GNB2: variants seen among roughly 807,000 people sequenced by gnomAD.
The protein encoded by GNB2 is guanine nucleotide-binding protein G(I)/G(S)/G(T) subunit beta-2.
A neutral mutation model predicts 40.7 loss-of-function variants in GNB2; 7 were observed. That is an observed-to-expected ratio of 0.17 (90% CI 0.10 to 0.32). The LOEUF (loss-of-function observed/expected upper bound fraction) is 0.32, where lower values mean the gene tolerates loss of function less well. Ranked by LOEUF, GNB2 falls within the 10% of genes least tolerant of loss-of-function variation. The probability of loss-of-function intolerance (pLI) is 1.00; values close to 1 mark genes in which losing one functional copy is unlikely to be tolerated. For missense variants in GNB2, 286 were observed against 473.0 expected (o/e 0.60, Z 3.67); for synonymous variants, 254 against 191.2 (o/e 1.33, Z -2.71).
At position 100,679,058 on chromosome 7, in the gene GNB2, G is replaced by A. The variant is rs563243432; in HGVS notation, c.*257G>A. 10 of 451,338 alleles carry A rather than the reference G, an allele frequency of 2.2e-5. No individual in the cohort carries two copies. Among genetic ancestry groups the A allele is most frequent in the Middle Eastern group, 5.8e-4 (1 of 1,734 alleles). The allele number at this position is 451,338 out of a possible 1,614,324, so 28.0% of individuals were successfully genotyped here. ...GGGTTGGGGCCTCACCCCTCTGGAG[G>A]GCCGGAGGCAGGAGGTGGAAACCCC... On this transcript the variant is annotated 3_prime_UTR_variant, in exon 10 of 10. Coordinates refer to ENST00000303210, the MANE Select transcript of GNB2 (RefSeq NM_005273.4).
chr7:100,678,328 C>T, intron 8 of GNB2, 29 bp downstream of exon 8: 2 of 1,605,634 alleles, frequency 1.2e-6, no homozygotes, highest in South Asian at 1.1e-5. Flanking sequence ...TAGGCCAGGC[C>T]CTCCCCACCA....
At position 100,679,001 on chromosome 7, in the gene GNB2, G is replaced by A. The variant is rs565033701; in HGVS notation, c.*200G>A. ...AGGGGATGGAATGGGGGAAGAGGAG[G>A]AGCAGGAGGCCCTCATCCTTCTGCT... On this transcript the variant is annotated 3_prime_UTR_variant, in exon 10 of 10. Coordinates refer to ENST00000303210, the MANE Select transcript of GNB2 (RefSeq NM_005273.4). 28 of 572,704 alleles carry A rather than the reference G, an allele frequency of 4.9e-5. No homozygotes were observed. Among genetic ancestry groups the A allele is most frequent in the Admixed American group, 2.2e-4 (7 of 32,456 alleles). 35.5% of individuals were successfully genotyped at this position (572,704 alleles called of 1,614,324 possible).
rs754068566 is a variant in GNB2 at position 100,678,100 on chromosome 7, C to T, written c.500C>T (p.Ala167Val). ...CTTTCTTCCTGTCACCTCTCCAGTG[C>T]CCTGTGGGACATTGAGACAGGCCAG... Reference protein sequence around the residue: ...IITSSGDTTCALWDIETGQQT... With the variant: ...IITSSGDTTCVLWDIETGQQT... The change falls in exon 8 of 10, where the codon GCC becomes GTC. Residue 167 changes from alanine to valine, a missense_variant and splice_region_variant. By Grantham distance (64) the Ala-to-Val change is moderately conservative. Transcript: ENST00000303210. 3.7e-6 allele frequency: 6 copies of T among 1,608,980 alleles called. No individual in the cohort carries two copies. The highest frequency in any genetic ancestry group is 1.7e-5 in the Admixed American group (1 of 59,992).
intron 4 of GNB2, 59 bp from the exon 5 acceptor site, chr7:100,677,293 A>T (rs555856452): frequency 8.9e-6 from 12 of 1,346,646 alleles, no homozygotes; most frequent in Non-Finnish European, 1.1e-5. Context: ...CCCAAAGGGA[A>T]GGGGGTGTGT....
In GNB2 at chr7:100,673,853, T is replaced by G. The variant is rs368997072; in HGVS notation, c.-160T>G. 8 of 174,864 alleles carry G rather than the reference T, an allele frequency of 4.6e-5. No homozygotes were observed. The highest frequency in any genetic ancestry group is 1.5e-4 in the East Asian group (1 of 6,566). 10.8% of individuals were successfully genotyped at this position (174,864 alleles called of 1,614,324 possible). A position where few individuals can be genotyped will look rare whatever the true frequency, so the allele number is the denominator to read the frequency against. On this transcript the variant is annotated 5_prime_UTR_variant, in exon 1 of 10. Transcript: ENST00000303210. ...CGCCGCCGCCGCCGCCGCCGCCGCC[T>G]CCGCCGCGGAGGAAGACAGCGCCGC...
chr7:100,675,201 A>G (rs1804323015), intron 1 of GNB2: 2 of 150,382 alleles, frequency 1.3e-5, no homozygotes, highest in East Asian at 4.0e-4. Context: ...CGCCGCGGCC[A>G]GGCCGCCTGG....
rs966528148 is a variant in GNB2 at position 100,679,117 on chromosome 7, A to T, written c.*316A>T. 6.3e-6 allele frequency: 2 copies of T among 316,968 alleles called. No individual in the cohort carries two copies. The highest frequency in any genetic ancestry group is 8.8e-5 in the Admixed American group (2 of 22,706). 19.6% of individuals were successfully genotyped at this position (316,968 alleles called of 1,614,324 possible). On this transcript the variant is annotated 3_prime_UTR_variant, in exon 10 of 10. Coordinates refer to ENST00000303210, the MANE Select transcript of GNB2 (RefSeq NM_005273.4). ...GCTTTTTTAAAACTGGTTTTATTTT[A>T]ATTTTTATTATATTTTCAGTTTTTC...
In GNB2 at chr7:100,679,148, A is replaced by G. The variant is rs1325661584; in HGVS notation, c.*347A>G. Reference sequence around the variant, plus strand: ...TATTATATTTTCAGTTTTTCCATAAAGGAGCCAATTCCAACTCTGTACCTG... The same window carrying G: ...TATTATATTTTCAGTTTTTCCATAAGGGAGCCAATTCCAACTCTGTACCTG... On this transcript the variant is annotated 3_prime_UTR_variant, in exon 10 of 10. Transcript: ENST00000303210. The G allele has an allele frequency of 9.4e-6, 2 of 211,674 alleles. No homozygotes were observed. The allele number at this position is 211,674 out of a possible 1,614,324, so 13.1% of individuals were successfully genotyped here. A position where few individuals can be genotyped will look rare whatever the true frequency, so the allele number is the denominator to read the frequency against.
Position 100,678,464 on chromosome 7 carries a change from C to T in GNB2, c.766C>T (p.Arg256Trp). 1.2e-6 allele frequency: 2 copies of T among 1,613,794 alleles called. No homozygotes were observed. The highest frequency in any genetic ancestry group is 1.7e-6 in the Non-Finnish European group (2 of 1,179,964). ...DDATCRLFDL[R>W]ADQELLMYSH... ...CGCCACGTGCCGCCTCTTCGACCTG[C>T]GGGCCGATCAGGAGCTCCTCATGTA... The change falls in exon 9 of 10, where the codon CGG becomes TGG. Residue 256 changes from arginine (R) to tryptophan (W), a missense_variant. Physicochemically the swap from Arg to Trp is moderately radical, Grantham distance 101 (BLOSUM62 -3). Transcript: ENST00000303210.
rs1044024110 is a variant in GNB2, at chr7:100,679,152, G to A, written c.*351G>A. 9.7e-6 allele frequency: 2 copies of A among 207,130 alleles called. No homozygotes were observed. Among genetic ancestry groups the A allele is most frequent in the Non-Finnish European group, 2.0e-5 (2 of 101,556 alleles). The allele number at this position is 207,130 out of a possible 1,614,324, so 12.8% of individuals were successfully genotyped here. A position where few individuals can be genotyped will look rare whatever the true frequency, so the allele number is the denominator to read the frequency against. On this transcript the variant is annotated 3_prime_UTR_variant, in exon 10 of 10. Transcript: ENST00000303210. ...ATATTTTCAGTTTTTCCATAAAGGAGCCAATTCCAACTCTGTACCTGGTCT... is the reference window on the plus strand; with the variant it reads ...ATATTTTCAGTTTTTCCATAAAGGAACCAATTCCAACTCTGTACCTGGTCT...
chr7:100,674,107 C>T (rs575532524), intron 1 of GNB2, among the ~76,000 whole-genome samples, 184 bp downstream of exon 1: 2 of 152,260 alleles, frequency 1.3e-5, no homozygotes, highest in Admixed American at 6.5e-5. Flanking sequence ...GAACCCTCGC[C>T]CCCCACCGTG....
chr7:100,678,548 C>T lies in GNB2; in HGVS notation c.850C>T (p.Leu284=), dbSNP rs1804415170. Residue 284 remains leucine (L), a synonymous_variant, in exon 9 of 10, where the codon CTG becomes TTG. Coordinates refer to ENST00000303210, the MANE Select transcript of GNB2 (RefSeq NM_005273.4). ...TGTTGCCTTCTCGCGCAGCGGACGGCTGCTGCTCGCTGGCTACGACGACTT... is the reference window on the plus strand; with the variant it reads ...TGTTGCCTTCTCGCGCAGCGGACGGTTGCTGCTCGCTGGCTACGACGACTT... ...TSVAFSRSGR[L]LLAGYDDFNC... is the part of the protein sequence containing the mutation. The T allele has an allele frequency of 1.2e-6, 2 of 1,613,796 alleles. No individual in the cohort carries two copies. Among genetic ancestry groups the T allele is most frequent in the African/African-American group, 2.7e-5 (2 of 74,950 alleles).
In GNB2 at chr7:100,678,682, CTCTT is replaced by C. The variant is rs531538316; in HGVS notation, c.917-12_917-9del. 383 of 1,612,108 alleles carry C rather than the reference CTCTT, an allele frequency of 2.4e-4. 3 individuals are homozygous for C. The African/African-American group carries it at 4.6e-3, about 19-fold the overall frequency. Reference sequence around the variant, plus strand: ...CCAGGCCCAATGGGTTCTGACTTCTCTCTTCTTCACAGGAGTCCTCGCTGGCCAC... The same window carrying C: ...CCAGGCCCAATGGGTTCTGACTTCTCCTTCACAGGAGTCCTCGCTGGCCAC... On this transcript the variant is annotated splice_polypyrimidine_tract_variant and intron_variant, in intron 9 of 9. Coordinates refer to ENST00000303210, the MANE Select transcript of GNB2 (RefSeq NM_005273.4).
intron 1 of GNB2, among the ~76,000 whole-genome samples, chr7:100,674,163 A>C (rs1251870191): frequency 6.6e-6 from 1 of 151,006 alleles, no homozygotes; most frequent in Non-Finnish European, 1.5e-5. Flanking sequence ...CCGACCCCAG[A>C]CCCCAGCCCA....
At position 100,677,650 on chromosome 7, in the gene GNB2, T is replaced by C; in HGVS notation, c.420T>C (p.Pro140=). 1.9e-6 allele frequency: 3 copies of C among 1,613,438 alleles called. No individual in the cohort carries two copies. The highest frequency in any genetic ancestry group is 2.5e-6 in the Non-Finnish European group (3 of 1,179,958). The change falls in exon 6 of 10, where the codon CCT becomes CCC. Residue 140 remains proline (P), a synonymous_variant. Coordinates refer to ENST00000303210, the MANE Select transcript of GNB2 (RefSeq NM_005273.4). Reference sequence around the variant, plus strand: ...ACGTCAGGGTCAGCCGGGAGCTGCCTGGCCACACTGGTGAGGGGCCTGGCC... The same window carrying C: ...ACGTCAGGGTCAGCCGGGAGCTGCCCGGCCACACTGGTGAGGGGCCTGGCC... ...EGNVRVSREL[P]GHTGYLSCCR...
chr7:100,678,630 C>G lies in GNB2; in HGVS notation c.916+16C>G, dbSNP rs370617239. Reference sequence around the variant, plus strand: ...GACCGTGCAGGTGACAGCTGGGGCCCAGGCTGGGTGGGCAGGGACCTGGAG... The same window carrying G: ...GACCGTGCAGGTGACAGCTGGGGCCGAGGCTGGGTGGGCAGGGACCTGGAG... On this transcript the variant is annotated intron_variant, in intron 9 of 9. Transcript: ENST00000303210. 3.5e-4 allele frequency: 568 copies of G among 1,610,644 alleles called. No homozygotes were observed. The highest frequency in any genetic ancestry group is 4.5e-4 in the Non-Finnish European group (526 of 1,177,288).
chr7:100,678,900 C>A lies in GNB2; in HGVS notation c.*99C>A. On this transcript the variant is annotated 3_prime_UTR_variant, in exon 10 of 10. Transcript: ENST00000303210. Reference sequence around the variant, plus strand: ...CTGGCGCAATCCCAGCCCCCTTCCCCGGGCCACGGGGCCTTGGGTCCCTGC... The same window carrying A: ...CTGGCGCAATCCCAGCCCCCTTCCCAGGGCCACGGGGCCTTGGGTCCCTGC... 1.1e-6 allele frequency: 1 copy of A among 927,050 alleles called. No homozygotes were observed. The highest frequency in any genetic ancestry group is 1.7e-6 in the Non-Finnish European group (1 of 604,284). The allele number at this position is 927,050 out of a possible 1,614,324, so 57.4% of individuals were successfully genotyped here.
chr7:100,678,374 C>T, intron 8 of GNB2, 24 bp from the exon 9 acceptor site: 2 of 1,605,790 alleles, frequency 1.2e-6, no homozygotes, highest in Non-Finnish European at 1.7e-6. Context: ...CACCCTCACC[C>T]CATCTGGGTC....
chr7:100,677,302 G>A (rs769638645), intron 4 of GNB2, 50 bp from the exon 5 acceptor site: 71 of 1,461,894 alleles, frequency 4.9e-5, no homozygotes, highest in Non-Finnish European at 4.8e-5. Context: ...AAGGGGGTGT[G>A]TCTTGTTTTC....
Sources: allele counts gnomAD v4.1 joint callset (sites outside exome capture counted in the v4.1 genomes callset), GRCh38; gene constraint gnomAD v4.1.1; transcripts MANE v1.5; gene names NCBI Gene and HGNC (gene_info 2026-07-23, HGNC 2026-07-21).